Variants in ERBB4 observed in about 807,000 individuals in gnomAD.
The protein encoded by ERBB4 is erb-b2 receptor tyrosine kinase 4.
Under a neutral mutation model 158.0 loss-of-function variants are expected in ERBB4, and 42 were observed. The observed-to-expected ratio is 0.27, with a 90% CI of 0.21 to 0.34. The LOEUF (loss-of-function observed/expected upper bound fraction) is 0.34. Among genes scored for constraint, ERBB4 ranks in the 10% least tolerant of loss-of-function variants. The pLI is 1.00. For missense variants in ERBB4, 1,333 were observed against 1,624.1 expected, an observed-to-expected ratio of 0.82 and a Z score of 3.08; for synonymous variants, 583 against 558.7, an observed-to-expected ratio of 1.04 and a Z score of -0.61.
intron 5 of ERBB4, among the ~76,000 whole-genome samples, chr2:211,738,353 T>A (rs562866484): frequency 6.3e-5 from 4 of 63,612 alleles, no homozygotes; most frequent in African/African-American, 4.3e-4. Flanking sequence ...AATTTTTCCT[T>A]TGTTTTTGTT....
At chr2:212,469,858 C>A (rs1198872387) in intron 1 of ERBB4, among the ~76,000 whole-genome samples, 1 of 152,052 alleles carries the variant, frequency 6.6e-6, no homozygotes, top group Non-Finnish European at 1.5e-5. Flanking sequence ...CATCCTGCAC[C>A]TATTCCTGTT....
intron 3 of ERBB4, among the ~76,000 whole-genome samples, chr2:211,847,212 A>C (rs894123279): frequency 2.6e-5 from 4 of 152,144 alleles, no homozygotes; most frequent in African/African-American, 9.7e-5. Context: ...GAGTTTGTGC[A>C]AATAAAAAAT....
rs1346189613 is a variant in ERBB4, at chr2:211,704,112, T to C, written c.1281A>G (p.Val427=). 1 of 1,591,052 alleles carries C rather than the reference T, an allele frequency of 6.3e-7. No individual in the cohort carries two copies. Among genetic ancestry groups the C allele is most frequent in the East Asian group, 2.2e-5 (1 of 44,702 alleles). The change falls in exon 11 of 28, where the codon GTA becomes GTG. Residue 427 remains valine, a synonymous_variant. Coordinates refer to ENST00000342788, the MANE Select transcript of ERBB4 (RefSeq NM_005235.3). ...TAAACATATCCACTTACCTATAGAG[T>C]ACTCTTCCACCAATGGTCACCAGGT... is the stretch of plus-strand genomic sequence containing the variant. The part of the protein sequence containing the change: ...FSNLVTIGGR[V]LYSGLSLLIL...
intron 20 of ERBB4, among the ~76,000 whole-genome samples, chr2:211,449,365 C>T (rs1424721577): frequency 1.3e-5 from 2 of 152,044 alleles, no homozygotes; most frequent in East Asian, 3.9e-4. Flanking sequence ...AGTTCAGCTA[C>T]TATTTTTATC....
chr2:211,554,870 C>G (rs549505668), intron 20 of ERBB4, among the ~76,000 whole-genome samples: 1 of 152,318 alleles, frequency 6.6e-6, no homozygotes, highest in African/African-American at 2.4e-5. Flanking sequence ...CAACAGCCTA[C>G]TTTTTGTCTC....
chr2:212,206,519 C>T (rs1559743586), intron 1 of ERBB4, among the ~76,000 whole-genome samples: 1 of 150,652 alleles, frequency 6.6e-6, no homozygotes, highest in Non-Finnish European at 1.5e-5. Flanking sequence ...AGATAAAAAA[C>T]TAGGGATAGC....
At chr2:212,078,508 T>G (rs187778498) in intron 2 of ERBB4, among the ~76,000 whole-genome samples, 3 of 152,134 alleles carry the variant, frequency 2.0e-5, no homozygotes, top group Admixed American at 2.0e-4. Context: ...ATAAATGTAT[T>G]GAAATAAAAA....
chr2:212,180,034 TA>T (rs753131849), intron 1 of ERBB4, among the ~76,000 whole-genome samples: 1 of 151,782 alleles, frequency 6.6e-6, no homozygotes. Flanking sequence ...ATTTTATGTC[TA>T]AAAAATGGTA....
At chr2:211,415,035 T>C (rs1311722194) in intron 25 of ERBB4, among the ~76,000 whole-genome samples, 1 of 151,438 alleles carries the variant, frequency 6.6e-6, no homozygotes, top group Admixed American at 6.6e-5. Context: ...TTACTATTTT[T>C]ATTATTTCAT....
intron 13 of ERBB4, among the ~76,000 whole-genome samples, chr2:211,678,176 C>G (rs1473635339): frequency 1.3e-5 from 2 of 151,848 alleles, no homozygotes; most frequent in Non-Finnish European, 2.9e-5. Flanking sequence ...AGAACACTTT[C>G]AAAACCACTT....
chr2:212,135,279 C>A (rs2080237709), intron 1 of ERBB4, among the ~76,000 whole-genome samples: 1 of 152,092 alleles, frequency 6.6e-6, no homozygotes, highest in African/African-American at 2.4e-5. Context: ...ACTAAAAAAA[C>A]TGATGTACCT....
chr2:211,665,469 G>T lies in ERBB4; in HGVS notation c.1725C>A (p.Asp575Glu), dbSNP rs1023604784. 6.2e-7 allele frequency: 1 copy of T among 1,613,858 alleles called. No homozygotes were observed. The highest frequency in any genetic ancestry group is 8.5e-7 in the Non-Finnish European group (1 of 1,179,926). ...TAAAATGAGAGCACTTTGTACAGTT[G>T]TCAGGACCCTGAAATGTGAAAACGA... is the stretch of plus-strand genomic sequence containing the variant. ...GLLTCHGPGPDNCTKCSHFKD... is the reference protein window; with the variant it reads ...GLLTCHGPGPENCTKCSHFKD... The change falls in exon 15 of 28, where the codon GAC becomes GAA. Residue 575 changes from aspartate to glutamate, a missense_variant. This residue lies in a region of ERBB4 where 245 missense variants were observed against 247.5 expected (regional missense o/e 0.99). Coordinates refer to ENST00000342788, the MANE Select transcript of ERBB4 (RefSeq NM_005235.3).
chr2:212,140,064 A>G (rs773010581), intron 1 of ERBB4, among the ~76,000 whole-genome samples: 2 of 151,864 alleles, frequency 1.3e-5, no homozygotes, highest in East Asian at 1.9e-4. Flanking sequence ...ACTTGTAAAG[A>G]AGACTTAATG....
In ERBB4 at chr2:212,320,354, G is replaced by A. The variant is rs2087508332; in HGVS notation, c.83-195451C>T. On this transcript the variant is annotated intron_variant, in intron 1 of 27. Transcript: ENST00000342788. ...ACTTCTTCTTCTTCTTGGTAATAGT[G>A]AACAAATAAGAAATAAAGCATTTAG... is the stretch of plus-strand genomic sequence containing the variant. Among the ~76,000 whole-genome samples, 4 of 147,138 alleles carry A rather than the reference G, an allele frequency of 2.7e-5. No homozygotes were observed. In the Admixed American group the frequency reaches 2.7e-4, roughly 10 times the overall value.
chr2:211,867,678 T>C (rs981581463), intron 3 of ERBB4, among the ~76,000 whole-genome samples: 5 of 152,186 alleles, frequency 3.3e-5, no homozygotes, highest in Admixed American at 3.3e-4. Flanking sequence ...TCATCCTGCC[T>C]CAACCTCCTG....
intron 16 of ERBB4, among the ~76,000 whole-genome samples, chr2:211,645,317 T>C (rs2070747394): frequency 6.6e-6 from 1 of 151,642 alleles, no homozygotes; most frequent in Non-Finnish European, 1.5e-5. Context: ...AATCTATTCT[T>C]AGTGTTTTAT....
intron 5 of ERBB4, among the ~76,000 whole-genome samples, chr2:211,747,468 A>G (rs1260094842): frequency 2.0e-5 from 3 of 152,104 alleles, no homozygotes; most frequent in Admixed American, 6.6e-5. Flanking sequence ...TAAAACAAAC[A>G]TGGCTACTGG....
At chr2:212,153,107 T>C (rs1006853051) in intron 1 of ERBB4, among the ~76,000 whole-genome samples, 3 of 152,222 alleles carry the variant, frequency 2.0e-5, no homozygotes, top group African/African-American at 7.2e-5. Context: ...TTGTTTGTTA[T>C]GCAGCATTAC....
intron 3 of ERBB4, among the ~76,000 whole-genome samples, chr2:211,821,198 A>T (rs1320185258): frequency 6.6e-6 from 1 of 151,912 alleles, no homozygotes; most frequent in Non-Finnish European, 1.5e-5. Context: ...AAAGTTGCAG[A>T]TTGCAAAATC....
Sources: allele counts gnomAD v4.1 joint callset (sites outside exome capture counted in the v4.1 genomes callset), GRCh38; gene constraint gnomAD v4.1.1; regional missense constraint gnomAD v4.1.1; transcripts MANE v1.5; gene names NCBI Gene and HGNC (gene_info 2026-07-23, HGNC 2026-07-21).